The following LRFN2 variants were observed in gnomAD, a reference collection of about 807,000 sequenced individuals.
The protein encoded by LRFN2 is leucine rich repeat and fibronectin type III domain containing 2, also known as leucine-rich repeat and fibronectin type-III domain-containing protein 2.
LRFN2 carries 18 observed loss-of-function variants against 37.3 expected under a neutral mutation model. The ratio of observed to expected loss-of-function variants is 0.48; its 90% confidence interval spans 0.33 to 0.72. The LOEUF (loss-of-function observed/expected upper bound fraction) is 0.72, where lower values mean the gene tolerates loss of function less well. LRFN2 is among the 30% of genes least tolerant of loss of function. The pLI is 0.02. For synonymous variants in LRFN2, 556 were observed against 466.6 expected, an observed-to-expected ratio of 1.19 and a Z score of -2.47; for missense variants, 1,006 against 1,060.7, an observed-to-expected ratio of 0.95 and a Z score of 0.72.
chr6:40,561,107 T>C (rs1264446412), intron 1 of LRFN2, among the ~76,000 whole-genome samples: 3 of 152,120 alleles, frequency 2.0e-5, no homozygotes, highest in East Asian at 1.9e-4. Context: ...CTCAGAGACA[T>C]TGCAGTTTCT....
chr6:40,430,234 C>T (rs904464023), intron 2 of LRFN2, among the ~76,000 whole-genome samples: 1 of 152,160 alleles, frequency 6.6e-6, no homozygotes, highest in Non-Finnish European at 1.5e-5. Context: ...AAGGGGAGTT[C>T]CCCAGCTCTG....
At chr6:40,476,062 C>G (rs933302605) in intron 1 of LRFN2, among the ~76,000 whole-genome samples, 9 of 152,128 alleles carry the variant, frequency 5.9e-5, no homozygotes, top group African/African-American at 1.9e-4. Context: ...GTCTGATGGG[C>G]CCAGCGTGGC....
chr6:40,512,357 G>A (rs1177062340), intron 1 of LRFN2, among the ~76,000 whole-genome samples: 8 of 152,284 alleles, frequency 5.3e-5, no homozygotes, highest in African/African-American at 1.9e-4. Context: ...ACTGGAGTGA[G>A]TCTTTTAATC....
rs553146314 is a variant in LRFN2, at chr6:40,536,080, C to T, written c.-19+50861G>A. Among the ~76,000 whole-genome samples, 8 of 152,190 alleles carry T rather than the reference C, an allele frequency of 5.3e-5. No individual in the cohort carries two copies. The South Asian group carries it at 1.5e-3, about 28-fold the overall frequency. On this transcript the variant is annotated intron_variant, in intron 1 of 2. Coordinates refer to ENST00000338305, the MANE Select transcript of LRFN2 (RefSeq NM_020737.3). ...ATGGCCAGCTGCATGTGACCAGTCA[C>T]CGGAGGTTCTGCTTCAAGCAGAGGC...
chr6:40,484,551 C>A (rs2113865754), intron 1 of LRFN2, among the ~76,000 whole-genome samples: 1 of 152,312 alleles, frequency 6.6e-6, no homozygotes, highest in East Asian at 1.9e-4. Flanking sequence ...CACTTCTGTG[C>A]TCCCTGGACT....
chr6:40,576,090 C>T (rs778215425), intron 1 of LRFN2, among the ~76,000 whole-genome samples: 6 of 152,098 alleles, frequency 3.9e-5, no homozygotes, highest in East Asian at 1.9e-4. Flanking sequence ...AGTTTCCTCG[C>T]GTTTAAATGG....
At chr6:40,543,136 C>T (rs1480171675) in intron 1 of LRFN2, among the ~76,000 whole-genome samples, 4 of 152,236 alleles carry the variant, frequency 2.6e-5, no homozygotes, top group Non-Finnish European at 4.4e-5. Context: ...CAGACATGAT[C>T]AGGCACATCG....
At chr6:40,532,425 AC>A (rs1371495352) in intron 1 of LRFN2, among the ~76,000 whole-genome samples, 1 of 152,230 alleles carries the variant, frequency 6.6e-6, no homozygotes. Context: ...ATCTTTTGAT[AC>A]AATAGCCCTA....
intron 1 of LRFN2, among the ~76,000 whole-genome samples, chr6:40,557,538 A>T (rs1766912893): frequency 6.6e-6 from 1 of 152,198 alleles, no homozygotes; most frequent in Non-Finnish European, 1.5e-5. Flanking sequence ...CCCTGGGGTC[A>T]GAGACAGGCC....
At chr6:40,481,904 A>C (rs1038591097) in intron 1 of LRFN2, among the ~76,000 whole-genome samples, 1 of 152,224 alleles carries the variant, frequency 6.6e-6, no homozygotes, top group African/African-American at 2.4e-5. Context: ...CAGACCATGC[A>C]ATGATGCTGT....
chr6:40,480,251 G>A (rs1015680847), intron 1 of LRFN2, among the ~76,000 whole-genome samples: 5 of 152,144 alleles, frequency 3.3e-5, no homozygotes, highest in Non-Finnish European at 7.4e-5. Context: ...GTCTGGCCAG[G>A]AGTTCAGTTC....
intron 1 of LRFN2, among the ~76,000 whole-genome samples, chr6:40,458,959 T>G (rs1472872645): frequency 6.6e-6 from 1 of 152,220 alleles, no homozygotes; most frequent in Non-Finnish European, 1.5e-5. Context: ...TTTAAGCCAT[T>G]CTCTTTTCAG....
chr6:40,577,313 G>A (rs1486855424), intron 1 of LRFN2, among the ~76,000 whole-genome samples: 1 of 151,952 alleles, frequency 6.6e-6, no homozygotes, highest in African/African-American at 2.4e-5. Context: ...TGTTGCCCAG[G>A]CTGGTCTCGA....
intron 1 of LRFN2, among the ~76,000 whole-genome samples, chr6:40,451,084 C>T (rs1764092766): frequency 6.6e-6 from 1 of 152,200 alleles, no homozygotes; most frequent in African/African-American, 2.4e-5. Flanking sequence ...GGGAACTAGA[C>T]ATGTGTGATA....
In LRFN2 at chr6:40,551,680, G is replaced by A. The variant is rs192139612; in HGVS notation, c.-19+35261C>T. ...CCATCAAGCATCTGAGTAGAAAGTG[G>A]CTGTTGAGGATTGATTCCGGGATAG... On this transcript the variant is annotated intron_variant, in intron 1 of 2. Coordinates refer to ENST00000338305, the MANE Select transcript of LRFN2 (RefSeq NM_020737.3). 3.4e-3 allele frequency among the ~76,000 whole-genome samples: 516 copies of A among 152,306 alleles called. 1 individual carries two copies. Among genetic ancestry groups the A allele is most frequent in the Non-Finnish European group, 5.7e-3 (388 of 68,042 alleles).
At chr6:40,520,776 G>T (rs1178187980) in intron 1 of LRFN2, among the ~76,000 whole-genome samples, 2 of 152,136 alleles carry the variant, frequency 1.3e-5, no homozygotes, top group African/African-American at 2.4e-5. Flanking sequence ...CCCAGGCCTG[G>T]CTAGCCAGCC....
intron 1 of LRFN2, among the ~76,000 whole-genome samples, chr6:40,486,081 G>T (rs1472348808): frequency 2.0e-5 from 3 of 152,216 alleles, no homozygotes; most frequent in Admixed American, 6.5e-5. Flanking sequence ...GTACCCATCA[G>T]TCATTGTTTG....
In LRFN2 at chr6:40,514,996, C is replaced by T. The variant is rs965582191; in HGVS notation, c.-19+71945G>A. Among the ~76,000 whole-genome samples, 4 of 152,260 alleles carry T rather than the reference C, an allele frequency of 2.6e-5. No homozygotes were observed. The South Asian group carries it at 8.3e-4, about 31-fold the overall frequency. The stretch of plus-strand genomic sequence containing the variant: ...GCCACCTGGGCAGCTCCCAGACTGC[C>T]TGGCCTGCAGCAGGTGAACGCAGCA... On this transcript the variant is annotated intron_variant, in intron 1 of 2. Transcript: ENST00000338305.
chr6:40,468,512 T>A (rs1764522985), intron 1 of LRFN2, among the ~76,000 whole-genome samples: 1 of 152,036 alleles, frequency 6.6e-6, no homozygotes, highest in Admixed American at 6.5e-5. Context: ...AGCTTTTGTT[T>A]TGGGTGGTGG....
Sources: allele counts gnomAD v4.1 joint callset (sites outside exome capture counted in the v4.1 genomes callset), GRCh38; gene constraint gnomAD v4.1.1; transcripts MANE v1.5; gene names NCBI Gene and HGNC (gene_info 2026-07-23, HGNC 2026-07-21).